TULP1: variants seen among roughly 807,000 people sequenced by gnomAD.
The protein encoded by TULP1 is TUB like protein 1, also known as tubby-related protein 1.
In TULP1, 50 loss-of-function variants were observed where a neutral mutation model predicts 67.1. The ratio of observed to expected loss-of-function variants is 0.75; its 90% CI spans 0.59 to 0.94. TULP1 has a LOEUF of 0.94. Ranked by LOEUF, TULP1 falls within the 40% of genes least tolerant of loss-of-function variation. The pLI, the probability that TULP1 is intolerant of heterozygous loss-of-function variation, is 0.00. For synonymous variants in TULP1, 297 were observed against 294.0 expected, an observed-to-expected ratio of 1.01 and a Z score of -0.11; for missense variants, 746 against 734.1, an observed-to-expected ratio of 1.02 and a Z score of -0.19.
Position 35,503,626 on chromosome 6 carries a change from C to T in TULP1, c.1256G>A (p.Arg419Gln), listed in dbSNP as rs770045008. Residue 419 changes from arginine to glutamine, a missense_variant, in exon 13 of 15, where the codon CGG becomes CAG. Arg to Gln is a conservative substitution (Grantham distance 43). Around this residue, in one of 3 missense-constraint regions of TULP1, gnomAD observed 383 missense variants for 374.1 expected, o/e 1.02. Transcript: ENST00000229771. The surrounding 1 kb of genome is among the most constrained non-coding windows in gnomAD (Gnocchi z 4.0). ...GCCAGGAATGATGACGGTCATGCGC[C>T]GGGGGCCACGGAAGCCCAGCACGTT... Reference protein sequence around the residue: ...ETNVLGFRGPRRMTVIIPGMS... With the variant: ...ETNVLGFRGPQRMTVIIPGMS... 9.4e-6 allele frequency: 15 copies of T among 1,599,184 alleles called. No homozygotes were observed. The highest frequency in any genetic ancestry group is 1.6e-4 in the Middle Eastern group (1 of 6,070).
At chr6:35,506,302 G>C in intron 8 of TULP1, 23 bp from the exon 9 acceptor site, 1 of 1,558,638 alleles carries the variant, frequency 6.4e-7, no homozygotes, top group Non-Finnish European at 8.7e-7. Context: ...AGAACAGAGA[G>C]GCTGGCTAGA....
In TULP1 at chr6:35,508,737, G is replaced by A. The variant is rs115145690; in HGVS notation, c.822+472C>T. ...CCTGATGGGCAGTATTAACCCTTTC[G>A]TTGCTGGAGTGTTTAGTTGCTGGGA... On this transcript the variant is annotated intron_variant, in intron 8 of 14. Coordinates refer to ENST00000229771, the MANE Select transcript of TULP1 (RefSeq NM_003322.6). 6.9e-3 allele frequency among the ~76,000 whole-genome samples: 1,047 copies of A among 152,274 alleles called. 16 individuals are homozygous for A. The highest frequency in any genetic ancestry group is 0.023 in the African/African-American group (970 of 41,536).
At chr6:35,500,952 G>A (rs988779535) in intron 13 of TULP1, among the ~76,000 whole-genome samples, 4 of 152,328 alleles carry the variant, frequency 2.6e-5, no homozygotes, top group Non-Finnish European at 4.4e-5. Flanking sequence ...CTGGTGCCCT[G>A]CAGATCAGCC....
chr6:35,509,100 G>T, intron 8 of TULP1, 109 bp downstream of exon 8: 1 of 948,176 alleles, frequency 1.1e-6, no homozygotes, highest in Non-Finnish European at 1.7e-6. Flanking sequence ...GGGGAGCCAA[G>T]GTTCTAACCT....
chr6:35,503,995 C>A lies in TULP1; in HGVS notation c.1113-147G>T. 4 of 639,130 alleles carry A rather than the reference C, an allele frequency of 6.3e-6. 1 individual carries two copies. Among genetic ancestry groups the A allele is most frequent in the South Asian group, 5.5e-5 (3 of 54,628 alleles). The allele number at this position is 639,130 out of a possible 1,614,324, so 39.6% of individuals were successfully genotyped here. A position where few individuals can be genotyped will look rare whatever the true frequency, so the allele number is the denominator to read the frequency against. On this transcript the variant is annotated intron_variant, in intron 11 of 14. Coordinates refer to ENST00000229771, the MANE Select transcript of TULP1 (RefSeq NM_003322.6). This position sits in a 1 kb window ranked among gnomAD's most constrained non-coding sequence, Gnocchi z 4.0. ...AGCAATTCATGTCCCCTGCCCCAGG[C>A]TTCCCCCTATGCAGAGGTCTTTTTA...
rs1768738503 is a variant in TULP1 at position 35,498,060 on chromosome 6, C to A, written c.*267G>T. 1.7e-6 allele frequency: 1 copy of A among 595,382 alleles called. No homozygotes were observed. The allele number at this position is 595,382 out of a possible 1,614,324, so 36.9% of individuals were successfully genotyped here. A position where few individuals can be genotyped will look rare whatever the true frequency, so the allele number is the denominator to read the frequency against. ...GACTGGGGCGCGGGGAGGAGGGGGG[C>A]ACAGCGGCGCAGGCGAGCTCCGAGA... On this transcript the variant is annotated 3_prime_UTR_variant, in exon 15 of 15. Transcript: ENST00000229771. This position sits in a 1 kb window ranked among gnomAD's most constrained non-coding sequence, Gnocchi z 6.7.
chr6:35,501,338 C>T (rs929731567), intron 13 of TULP1, among the ~76,000 whole-genome samples: 3 of 151,788 alleles, frequency 2.0e-5, no homozygotes, highest in African/African-American at 7.3e-5. Context: ...CCTGGCTCTA[C>T]AAAAAACTAG....
chr6:35,506,262 A>G lies in TULP1; in HGVS notation c.828+12T>C, dbSNP rs1761086422. On this transcript the variant is annotated intron_variant, in intron 9 of 14. Transcript: ENST00000229771. ...AGTGCTGAGACACGGGCAGCCCGGC[A>G]GGACAACTCACCGCTTTCTGTGTGC... 6.3e-7 allele frequency: 1 copy of G among 1,591,300 alleles called. No homozygotes were observed.
rs770601191 is a variant in TULP1, at chr6:35,500,248, C to T, written c.1324-96G>A. The T allele has an allele frequency of 5.8e-6, 8 of 1,369,234 alleles. No homozygotes were observed. The East Asian group carries it at 1.8e-4, about 31-fold the overall frequency. 84.8% of individuals were successfully genotyped at this position (1,369,234 alleles called of 1,614,324 possible). A position where few individuals can be genotyped will look rare whatever the true frequency, so the allele number is the denominator to read the frequency against. ...GAGAAGGGGCCTGGGCATGTGTGCA[C>T]AGGGGTGTGGCCTGGACATCTTCAT... On this transcript the variant is annotated intron_variant, in intron 13 of 14. Coordinates refer to ENST00000229771, the MANE Select transcript of TULP1 (RefSeq NM_003322.6).
At position 35,512,238 on chromosome 6, in the gene TULP1, C is replaced by T. The variant is rs2150928788; in HGVS notation, c.132G>A (p.Lys44=). ...RPAPAQRLRK[K]RTEAPESPCP... ...AGGGGGATTCGGGGGCCTCCGTCCT[C>T]TTCTTCCTTAGCCTCTGTGCCGGGG... is the stretch of plus-strand genomic sequence containing the variant. The change falls in exon 3 of 15, where the codon AAG becomes AAA. Residue 44 remains lysine (K), a synonymous_variant. Coordinates refer to ENST00000229771, the MANE Select transcript of TULP1 (RefSeq NM_003322.6). The T allele has an allele frequency of 7.2e-7, 1 of 1,387,182 alleles. No individual in the cohort carries two copies. The highest frequency in any genetic ancestry group is 2.0e-5 in the South Asian group (1 of 49,978). The allele number at this position is 1,387,182 out of a possible 1,614,324, so 85.9% of individuals were successfully genotyped here.
chr6:35,512,738 C>CAA, intron 1 of TULP1, 48 bp from the exon 2 acceptor site: 7 of 1,568,360 alleles, frequency 4.5e-6, no homozygotes, highest in Non-Finnish European at 5.2e-6. Flanking sequence ...CTTCCCTCCC[C>CAA]ATCCCACCCA....
rs188389031 is a variant in TULP1, at chr6:35,503,944, A to C, written c.1113-96T>G. On this transcript the variant is annotated intron_variant, in intron 11 of 14. Transcript: ENST00000229771. The surrounding 1 kb of genome is among the most constrained non-coding windows in gnomAD (Gnocchi z 4.0). ...AGCCAAGCAGTTTAGAGAGCTTCCT[A>C]CAAGGGTGGGGGTGAGTTAGGACTG... is the stretch of plus-strand genomic sequence containing the variant. 7.2e-4 allele frequency: 669 copies of C among 929,900 alleles called. 3 individuals carry two copies. In the East Asian group the frequency reaches 0.012, roughly 17 times the overall value. 57.6% of individuals were successfully genotyped at this position (929,900 alleles called of 1,614,324 possible).
chr6:35,506,309 T>C, intron 8 of TULP1, 30 bp from the exon 9 acceptor site: 1 of 1,555,206 alleles, frequency 6.4e-7, no homozygotes, highest in Non-Finnish European at 8.7e-7. Flanking sequence ...AGAGGCTGGC[T>C]AGAGCAGGGG....
chr6:35,507,698 T>C (rs1344005396), intron 8 of TULP1, among the ~76,000 whole-genome samples: 1 of 152,168 alleles, frequency 6.6e-6, no homozygotes, highest in African/African-American at 2.4e-5. Context: ...AGCCCAACTT[T>C]TCCAACAGAG....
intron 8 of TULP1, among the ~76,000 whole-genome samples, chr6:35,508,585 C>T (rs59511315): frequency 0.041 from 6,234 of 152,296 alleles, 215 homozygotes; most frequent in African/African-American, 0.088. Flanking sequence ...CCCTCTCCTG[C>T]TTACTCCAGC....
rs1206325943 is a variant in TULP1, at chr6:35,510,893, T to G, written c.467A>C (p.Lys156Thr). ...PLREKSSADL[K>T]ERRAKAQGPR... ...GCCCTGGGCCTTGGCCCTCCTCTCC[T>G]TCAGGTCTGCGGAGCTCTTCTCTCT... Residue 156 changes from lysine to threonine, a missense_variant, in exon 5 of 15, where the codon AAG (lysine) becomes ACG (threonine). This residue lies in a region of TULP1 where 359 missense variants were observed against 341.9 expected (regional missense o/e 1.05). Coordinates refer to ENST00000229771, the MANE Select transcript of TULP1 (RefSeq NM_003322.6). 4.3e-6 allele frequency: 7 copies of G among 1,613,868 alleles called. No homozygotes were observed. The highest frequency in any genetic ancestry group is 1.1e-5 in the South Asian group (1 of 91,086).
chr6:35,511,960 C>A (rs1447677011), intron 3 of TULP1, 154 bp from the exon 4 acceptor site: 7 of 924,202 alleles, frequency 7.6e-6, no homozygotes, highest in Non-Finnish European at 1.1e-5. Flanking sequence ...CACTTCTCCC[C>A]GGCTTCCATT....
Position 35,509,251 on chromosome 6 carries a change from C to T in TULP1, c.780G>A (p.Lys260=). The change falls in exon 8 of 15, where the codon AAG becomes AAA. Residue 260 remains lysine (K), a synonymous_variant. Coordinates refer to ENST00000229771, the MANE Select transcript of TULP1 (RefSeq NM_003322.6). ...TGGCTTTGCCCTTTTGATTGCTCTT[C>T]TTTATCACCGTAGCTGCCTCCTCCT... ...EEEEEAATVI[K]KSNQKGKAKG... The T allele has an allele frequency of 6.2e-7, 1 of 1,614,032 alleles. No homozygotes were observed. Among genetic ancestry groups the T allele is most frequent in the Non-Finnish European group, 8.5e-7 (1 of 1,179,980 alleles).
intron 6 of TULP1, 29 bp from the exon 7 acceptor site, chr6:35,509,779 A>G (rs1449458803): frequency 1.2e-6 from 2 of 1,613,018 alleles, no homozygotes; most frequent in South Asian, 1.1e-5. Context: ...AAGCGTCACA[A>G]CCCCCACCGC....
Sources: gnomAD v4.1 joint callset for allele counts (sites outside exome capture counted in the v4.1 genomes callset) on GRCh38, gnomAD v4.1.1 for gene constraint, gnomAD v4.1.1 regional missense constraint, Gnocchi (gnomAD v3.1) non-coding constraint, MANE v1.5 for transcripts, NCBI Gene and HGNC (gene_info 2026-07-23, HGNC 2026-07-21) for gene names.